The following LRP1B variants were observed in gnomAD, a reference collection of about 807,000 sequenced individuals.
LRP1B encodes the protein low-density lipoprotein receptor-related protein 1B.
Under a neutral mutation model 556.6 loss-of-function variants are expected in LRP1B, and 217 were observed. The observed-to-expected ratio is 0.39, with a 90% confidence interval of 0.35 to 0.44. The LOEUF (loss-of-function observed/expected upper bound fraction) is 0.44, where lower values mean the gene tolerates loss of function less well. Among genes scored for constraint, LRP1B ranks in the 20% least tolerant of loss-of-function variants. The pLI is 1.00. For synonymous variants in LRP1B, 2,047 were observed against 1,865.8 expected (o/e 1.10, Z -2.50); for missense variants, 5,053 against 5,620.8 (o/e 0.90, Z 3.23).
chr2:141,173,395 T>TAGCC (rs2105149772), intron 7 of LRP1B, among the ~76,000 whole-genome samples: 1 of 152,184 alleles, frequency 6.6e-6, no homozygotes, highest in East Asian at 1.9e-4. Context: ...TATGTTCAGA[T>TAGCC]AGCCATTATT....
intron 1 of LRP1B, among the ~76,000 whole-genome samples, chr2:141,822,124 C>CAGAGAGAGAGAGAGAGAG (rs1390471936): frequency 1.1e-4 from 12 of 111,864 alleles, no homozygotes; most frequent in South Asian, 3.2e-4. Context: ...CACACACACA[C>CAGAGAGAGAGAGAGAGAG]ACACACAGAG....
At chr2:141,331,522 C>CTTTCTTT (rs10694161) in intron 3 of LRP1B, among the ~76,000 whole-genome samples, 56 of 140,822 alleles carry the variant, frequency 4.0e-4, no homozygotes, top group South Asian at 8.9e-4. Flanking sequence ...TTCTTTCTTT[C>CTTTCTTT]TCTTTCTTTC....
At chr2:140,596,955 A>T (rs1319372940) in intron 43 of LRP1B, among the ~76,000 whole-genome samples, 1 of 152,232 alleles carries the variant, frequency 6.6e-6, no homozygotes, top group Non-Finnish European at 1.5e-5. Flanking sequence ...AAATTGATAC[A>T]GTCTGAAGTC....
At chr2:141,952,116 T>C (rs1002003775) in intron 1 of LRP1B, among the ~76,000 whole-genome samples, 3 of 151,682 alleles carry the variant, frequency 2.0e-5, no homozygotes, top group African/African-American at 7.3e-5. Context: ...TTTTCTGTCC[T>C]TGTGCTAGTT....
At chr2:140,372,901 G>T in intron 69 of LRP1B, 107 bp downstream of exon 69, 2 of 1,158,452 alleles carry the variant, frequency 1.7e-6, no homozygotes, top group Non-Finnish European at 2.5e-6. Flanking sequence ...CTTAAAAATG[G>T]TAAACATATG....
intron 35 of LRP1B, among the ~76,000 whole-genome samples, chr2:140,725,171 C>A (rs1687547975): frequency 6.6e-6 from 1 of 152,134 alleles, no homozygotes; most frequent in South Asian, 2.1e-4. Flanking sequence ...CTAATCCAAA[C>A]CACCATCTTC....
chr2:140,528,043 C>T (rs1690512698), intron 47 of LRP1B, among the ~76,000 whole-genome samples: 1 of 151,818 alleles, frequency 6.6e-6, no homozygotes, highest in African/African-American at 2.4e-5. Context: ...AATAGGGACA[C>T]TTGCAACTCG....
intron 23 of LRP1B, among the ~76,000 whole-genome samples, chr2:140,887,777 A>G (rs1256564987): frequency 6.6e-6 from 1 of 152,192 alleles, no homozygotes; most frequent in African/African-American, 2.4e-5. Flanking sequence ...ACATTACACC[A>G]AGTGAAAGAA....
chr2:141,558,745 TA>T (rs1686045480), intron 2 of LRP1B, among the ~76,000 whole-genome samples: 1 of 151,788 alleles, frequency 6.6e-6, no homozygotes, highest in Non-Finnish European at 1.5e-5. Context: ...TGGCAATCTC[TA>T]ATCAGTATCT....
intron 43 of LRP1B, among the ~76,000 whole-genome samples, chr2:140,594,905 CT>C (rs1364220121): frequency 1.5e-4 from 22 of 151,390 alleles, no homozygotes; most frequent in Admixed American, 1.5e-3. Context: ...TATTTTAAGT[CT>C]TTTATAGAAT....
At chr2:141,760,713 C>G (rs1001373344) in intron 2 of LRP1B, among the ~76,000 whole-genome samples, 7 of 152,086 alleles carry the variant, frequency 4.6e-5, no homozygotes, top group Non-Finnish European at 7.4e-5. Context: ...AAGAACACTA[C>G]GTGATGGATT....
rs56905500 is a variant in LRP1B, at chr2:140,666,301, TAC to T, written c.6799+33947_6799+33948del. 2.3e-3 allele frequency among the ~76,000 whole-genome samples: 342 copies of T among 147,898 alleles called. 2 individuals carry two copies. The highest frequency in any genetic ancestry group is 4.9e-3 in the African/African-American group (196 of 40,044). On this transcript the variant is annotated intron_variant, in intron 41 of 90. Coordinates refer to ENST00000389484, the MANE Select transcript of LRP1B (RefSeq NM_018557.3). ...ATTTTTTAATATGATCCATTTATTA[TAC>T]ACACACACACACACACACACACACA...
At chr2:141,605,520 C>T (rs1687887120) in intron 2 of LRP1B, among the ~76,000 whole-genome samples, 1 of 152,048 alleles carries the variant, frequency 6.6e-6, no homozygotes, top group Admixed American at 6.6e-5. Context: ...ATAGCTAAGT[C>T]AGGTAAAATC....
chr2:141,865,683 A>G (rs1698392919), intron 1 of LRP1B, among the ~76,000 whole-genome samples: 1 of 152,104 alleles, frequency 6.6e-6, no homozygotes, highest in Admixed American at 6.6e-5. Context: ...AGAACTACAT[A>G]GTTGGAGGTA....
intron 27 of LRP1B, among the ~76,000 whole-genome samples, chr2:140,860,729 A>T (rs879481568): frequency 1.3e-5 from 2 of 152,082 alleles, no homozygotes; most frequent in African/African-American, 2.4e-5. Context: ...AAACAGAAAA[A>T]CCCAGGGTGG....
Position 141,638,993 on chromosome 2 carries a change from A to T in LRP1B, c.206-158460T>A, listed in dbSNP as rs1272359236. Reference sequence around the variant, plus strand: ...TGGCTACCTTAGAGTCTCAAAAAAAAATATATATATATATATATTGCCTAG... The same window carrying T: ...TGGCTACCTTAGAGTCTCAAAAAAATATATATATATATATATATTGCCTAG... On this transcript the variant is annotated intron_variant, in intron 2 of 90. Transcript: ENST00000389484. Among the ~76,000 whole-genome samples, 141 of 67,672 alleles carry T rather than the reference A, an allele frequency of 2.1e-3. 17 individuals carry two copies. Among genetic ancestry groups the T allele is most frequent in the Middle Eastern group, 9.1e-3 (1 of 110 alleles). The allele number at this position is 67,672 out of a possible 152,430, so 44.4% of individuals were successfully genotyped here. A position where few individuals can be genotyped will look rare whatever the true frequency, so the allele number is the denominator to read the frequency against.
intron 1 of LRP1B, among the ~76,000 whole-genome samples, chr2:142,092,586 G>A (rs1476995692): frequency 1.3e-5 from 2 of 151,924 alleles, no homozygotes; most frequent in Non-Finnish European, 2.9e-5. Context: ...TAAAAGTATT[G>A]CGATCTGATC....
rs185668440 is a variant in LRP1B, at chr2:141,906,857, C to T, written c.83-96456G>A. On this transcript the variant is annotated intron_variant, in intron 1 of 90. Transcript: ENST00000389484. ...TAGATACAGCATGTTAAATGTTTAT[C>T]GTTAGAACATGCCCAGTGGCAGATG... 3.9e-5 allele frequency among the ~76,000 whole-genome samples: 6 copies of T among 152,100 alleles called. No individual in the cohort carries two copies. In the East Asian group the frequency reaches 9.7e-4, roughly 24 times the overall value.
At chr2:141,323,633 G>T (rs1687322452) in intron 3 of LRP1B, among the ~76,000 whole-genome samples, 1 of 151,684 alleles carries the variant, frequency 6.6e-6, no homozygotes, top group Middle Eastern at 3.4e-3. Context: ...TAAATTCACG[G>T]GTCATTTATG....
Sources: allele counts gnomAD v4.1 joint callset (sites outside exome capture counted in the v4.1 genomes callset), GRCh38; gene constraint gnomAD v4.1.1; transcripts MANE v1.5; gene names NCBI Gene and HGNC (gene_info 2026-07-23, HGNC 2026-07-21).